Variants in MTDH observed in about 807,000 individuals in gnomAD.
MTDH encodes the protein protein LYRIC.
In MTDH, 34 loss-of-function variants were observed where a neutral mutation model predicts 72.7. The ratio of observed to expected loss-of-function variants is 0.47; its 90% CI spans 0.36 to 0.62. The LOEUF (loss-of-function observed/expected upper bound fraction) is 0.62, where lower values mean the gene tolerates loss of function less well. Ranked by LOEUF, MTDH falls within the 20% of genes least tolerant of loss-of-function variation. The probability of loss-of-function intolerance (pLI) is 0.00; values close to 1 mark genes in which losing one functional copy is unlikely to be tolerated. For synonymous variants in MTDH, 266 were observed against 268.9 expected (o/e 0.99, Z 0.10); for missense variants, 677 against 699.4 (o/e 0.97, Z 0.36).
At chr8:97,707,523 C>T (rs1814413448) in intron 8 of MTDH, among the ~76,000 whole-genome samples, 1 of 148,516 alleles carries the variant, frequency 6.7e-6, no homozygotes, top group Non-Finnish European at 1.5e-5. Flanking sequence ...CTGCCTCAGC[C>T]TCTCAAAGTG....
At chr8:97,649,131 G>T (rs183350248) in intron 1 of MTDH, among the ~76,000 whole-genome samples, 1 of 152,332 alleles carries the variant, frequency 6.6e-6, no homozygotes, top group East Asian at 1.9e-4. Context: ...GCCTAGGTTT[G>T]TGTCAGTATA....
Position 97,729,639 on chromosome 8 carries a change from C to T in MTDH, c.*4969C>T, listed in dbSNP as rs1186700920. On this transcript the variant is annotated 3_prime_UTR_variant, in exon 12 of 12. Coordinates refer to ENST00000336273, the MANE Select transcript of MTDH (RefSeq NM_178812.4). ...AGTGTAGCAGCTAATAATGTTCCAA[C>T]TTCTATATGATAGTTTGCTTTTTGT... 6.6e-6 allele frequency among the ~76,000 whole-genome samples: 1 copy of T among 152,122 alleles called. No homozygotes were observed. Among genetic ancestry groups the T allele is most frequent in the Non-Finnish European group, 1.5e-5 (1 of 68,022 alleles).
intron 10 of MTDH, 77 bp from the exon 11 acceptor site, chr8:97,722,802 T>A (rs1454389505): frequency 7.0e-7 from 1 of 1,431,474 alleles, no homozygotes; most frequent in South Asian, 1.4e-5. Flanking sequence ...CTAAACCACC[T>A]CTTGGTATTA....
chr8:97,720,869 G>C (rs552306033), intron 10 of MTDH, among the ~76,000 whole-genome samples: 17 of 151,680 alleles, frequency 1.1e-4, no homozygotes, highest in African/African-American at 4.1e-4. Flanking sequence ...GGCCAGGCTA[G>C]TCTCGAACTC....
Position 97,662,791 on chromosome 8 carries a change from AAAAGAAAG to A in MTDH, c.483+1634_483+1641del, listed in dbSNP as rs544427141. Among the ~76,000 whole-genome samples the A allele has an allele frequency of 1.1e-3, 170 of 151,240 alleles. 1 individual carries two copies. Among genetic ancestry groups the A allele is most frequent in the African/African-American group, 3.8e-3 (158 of 41,048 alleles). ...AAAGAGCGAGACTCTGTCAAAAAAAAAAAGAAAGAAAGAAAGAAAGAAATGGTTGCTAC... is the reference window on the plus strand; with the variant it reads ...AAAGAGCGAGACTCTGTCAAAAAAAAAAAGAAAGAAAGAAATGGTTGCTAC... On this transcript the variant is annotated intron_variant, in intron 2 of 11. Coordinates refer to ENST00000336273, the MANE Select transcript of MTDH (RefSeq NM_178812.4).
chr8:97,685,564 A>T (rs1813326619), intron 2 of MTDH, among the ~76,000 whole-genome samples: 2 of 152,122 alleles, frequency 1.3e-5, no homozygotes, highest in South Asian at 4.1e-4. Context: ...GTTTGAGACC[A>T]GCCTGGCCAA....
chr8:97,648,721 G>C (rs1811656552), intron 1 of MTDH, among the ~76,000 whole-genome samples: 1 of 152,160 alleles, frequency 6.6e-6, no homozygotes, highest in African/African-American at 2.4e-5. Flanking sequence ...ATAAAGATTT[G>C]CTATAGTGTA....
Position 97,728,908 on chromosome 8 carries a change from CT to C in MTDH, c.*4251del, listed in dbSNP as rs566772651. The C allele has an allele frequency of 1.1e-3, 155 of 143,938 alleles. 1 individual carries two copies. Among genetic ancestry groups the C allele is most frequent in the Non-Finnish European group, 1.1e-3 (75 of 65,928 alleles). The allele number at this position is 143,938 out of a possible 1,614,324, so 8.9% of individuals were successfully genotyped here. On this transcript the variant is annotated 3_prime_UTR_variant, in exon 12 of 12. Transcript: ENST00000336273. ...GTTCCTCCCCATTCTCAACCTGTAG[CT>C]TTTTTTTTTTTTCTTTTAATGAGAT...
rs572829397 is a variant in MTDH, at chr8:97,716,157, C to T, written c.1380+2388C>T. Among the ~76,000 whole-genome samples the T allele has an allele frequency of 7.2e-5, 11 of 151,918 alleles. No individual in the cohort carries two copies. The South Asian group carries it at 1.7e-3, about 23-fold the overall frequency. ...ATCCCAGCACTTTGGGAGGCCACGG[C>T]GGGTGGATCACCTGAGGTCGGGAGT... On this transcript the variant is annotated intron_variant, in intron 9 of 11. Transcript: ENST00000336273.
In MTDH at chr8:97,724,703, A is replaced by C. The variant is rs1815289684; in HGVS notation, c.*33A>C. 1 of 1,488,600 alleles carries C rather than the reference A, an allele frequency of 6.7e-7. No individual in the cohort carries two copies. Among genetic ancestry groups the C allele is most frequent in the East Asian group, 2.3e-5 (1 of 43,282 alleles). The allele number at this position is 1,488,600 out of a possible 1,614,324, so 92.2% of individuals were successfully genotyped here. A position where few individuals can be genotyped will look rare whatever the true frequency, so the allele number is the denominator to read the frequency against. The stretch of plus-strand genomic sequence containing the variant: ...TTTCCTGAATTGGACATGTGTTTGC[A>C]AACACTTGTCTTGAAGATTATGCTG... On this transcript the variant is annotated 3_prime_UTR_variant, in exon 12 of 12. Transcript: ENST00000336273.
chr8:97,686,012 A>T (rs1813349022), intron 2 of MTDH, among the ~76,000 whole-genome samples: 1 of 152,192 alleles, frequency 6.6e-6, no homozygotes, highest in Non-Finnish European at 1.5e-5. Context: ...TAGGTATTTT[A>T]TCTGGATTGA....
At chr8:97,697,150 A>ATATATATTTTTTTTTTTTTTTTTT in intron 6 of MTDH, among the ~76,000 whole-genome samples, 1 of 68,836 alleles carries the variant, frequency 1.5e-5, no homozygotes, top group African/African-American at 9.1e-5. Context: ...ATATATATAT[A>ATATATATTTTTTTTTTTTTTTTTT]TTTTTTTTTT....
At chr8:97,706,526 C>T (rs1211848158) in intron 7 of MTDH, 100 bp from the exon 8 acceptor site, 1 of 1,175,858 alleles carries the variant, frequency 8.5e-7, no homozygotes, top group Non-Finnish European at 1.1e-6. Context: ...AGAACAATAA[C>T]TTAAAATTAC....
At chr8:97,648,566 T>C (rs904608834) in intron 1 of MTDH, among the ~76,000 whole-genome samples, 1 of 151,610 alleles carries the variant, frequency 6.6e-6, no homozygotes, top group Non-Finnish European at 1.5e-5. Context: ...AGCTCATAGC[T>C]CACTGCATCC....
chr8:97,716,170 T>G (rs1313335040), intron 9 of MTDH, among the ~76,000 whole-genome samples: 2 of 151,228 alleles, frequency 1.3e-5, no homozygotes, highest in African/African-American at 2.4e-5. Context: ...GTGGATCACC[T>G]GAGGTCGGGA....
Position 97,687,617 on chromosome 8 carries a change from G to A in MTDH, c.745+12G>A. 6.3e-7 allele frequency: 1 copy of A among 1,580,698 alleles called. No homozygotes were observed. The highest frequency in any genetic ancestry group is 8.6e-7 in the Non-Finnish European group (1 of 1,162,866). The stretch of plus-strand genomic sequence containing the variant: ...CAAGAAGAATAAAGGTATATTAGTG[G>A]AACATAAGACAGTGGTACATCAAAT... On this transcript the variant is annotated intron_variant, in intron 4 of 11. Coordinates refer to ENST00000336273, the MANE Select transcript of MTDH (RefSeq NM_178812.4).
intron 6 of MTDH, among the ~76,000 whole-genome samples, chr8:97,699,426 G>A (rs1396750542): frequency 6.0e-5 from 9 of 150,254 alleles, no homozygotes; most frequent in Admixed American, 5.9e-4. Flanking sequence ...GACAGAGTGA[G>A]ATCCTGTCTC....
Position 97,730,233 on chromosome 8 carries a change from A to G in MTDH, c.*5563A>G, listed in dbSNP as rs773094375. Reference sequence around the variant, plus strand: ...ACATGTACCTAAGTTTTAAAAGCATAATAAAATGAACACATCTGAAACCAC... The same window carrying G: ...ACATGTACCTAAGTTTTAAAAGCATGATAAAATGAACACATCTGAAACCAC... On this transcript the variant is annotated 3_prime_UTR_variant, in exon 12 of 12. Transcript: ENST00000336273. Among the ~76,000 whole-genome samples, 1 of 152,232 alleles carries G rather than the reference A, an allele frequency of 6.6e-6. No homozygotes were observed. The highest frequency in any genetic ancestry group is 1.5e-5 in the Non-Finnish European group (1 of 68,042).
chr8:97,688,017 C>T (rs571218218), intron 4 of MTDH, among the ~76,000 whole-genome samples: 1 of 152,262 alleles, frequency 6.6e-6, no homozygotes, highest in East Asian at 1.9e-4. Context: ...CTGGTGAGTG[C>T]AGGTTGTGTC....
Sources: allele counts gnomAD v4.1 joint callset (sites outside exome capture counted in the v4.1 genomes callset), GRCh38; gene constraint gnomAD v4.1.1; transcripts MANE v1.5; gene names NCBI Gene and HGNC (gene_info 2026-07-23, HGNC 2026-07-21).